Variants in MTMR1 observed in about 807,000 individuals in gnomAD.
MTMR1 encodes phosphatidylinositol-3-phosphate phosphatase MTMR1.
Under a neutral mutation model 51.6 loss-of-function variants are expected in MTMR1, and 17 were observed. That is an observed-to-expected ratio of 0.33 (90% confidence interval 0.23 to 0.49). The LOEUF (loss-of-function observed/expected upper bound fraction) is 0.49. MTMR1 is among the 20% of genes least tolerant of loss of function. The pLI is 0.99. For missense variants in MTMR1, 386 were observed against 526.9 expected, an observed-to-expected ratio of 0.73 and a Z score of 2.62; for synonymous variants, 201 against 205.6, an observed-to-expected ratio of 0.98 and a Z score of 0.19.
At chrX:150,718,841 C>A in intron 4 of MTMR1, 141 bp downstream of exon 4, 3 of 522,026 alleles carry the variant, frequency 5.7e-6, no homozygotes, top group Non-Finnish European at 9.0e-6. Flanking sequence ...TATTCATCCT[C>A]ATTAGTGTCA....
Position 150,737,333 on chromosome X carries a change from C to T in MTMR1, c.1358C>T (p.Thr453Ile). Residue 453 changes from threonine to isoleucine, a missense_variant, in exon 12 of 16, where the codon ACA (threonine) becomes ATA (isoleucine). Thr to Ile is a moderately conservative substitution (Grantham distance 89). Coordinates refer to ENST00000445323, the MANE Select transcript of MTMR1 (RefSeq NM_001306144.3). ...CATTGCAGCGACGGTTGGGACCGAA[C>T]AGCCCAGCTCACATCTCTGGCTATG... ...VVHCSDGWDR[T>I]AQLTSLAMLM... The T allele has an allele frequency of 8.3e-7, 1 of 1,210,993 alleles. No homozygotes were observed. Among genetic ancestry groups the T allele is most frequent in the Non-Finnish European group, 1.1e-6 (1 of 894,918 alleles).
At chrX:150,740,895 C>T (rs1293672611) in intron 12 of MTMR1, among the ~76,000 whole-genome samples, 1 of 109,756 alleles carries the variant, frequency 9.1e-6, no homozygotes, top group Middle Eastern at 4.2e-3. Flanking sequence ...CCAGCTGTCT[C>T]GGGAACTAAT....
rs781827380 is a variant in MTMR1 at position 150,731,458 on chromosome X, A to G, written c.742-12A>G. 8.6e-7 allele frequency: 1 copy of G among 1,168,900 alleles called. No individual in the cohort carries two copies. Among genetic ancestry groups the G allele is most frequent in the Non-Finnish European group, 1.1e-6 (1 of 871,263 alleles). Reference sequence around the variant, plus strand: ...CATTTCACCCTCTTCTTCTTTCTCCAACACCTTACAGGGCTTGCCAAATGA... The same window carrying G: ...CATTTCACCCTCTTCTTCTTTCTCCGACACCTTACAGGGCTTGCCAAATGA... On this transcript the variant is annotated splice_polypyrimidine_tract_variant and intron_variant, in intron 8 of 15. Coordinates refer to ENST00000445323, the MANE Select transcript of MTMR1 (RefSeq NM_001306144.3).
intron 12 of MTMR1, among the ~76,000 whole-genome samples, chrX:150,743,276 C>A (rs913577072): frequency 2.7e-5 from 3 of 110,691 alleles, no homozygotes; most frequent in Admixed American, 9.6e-5. Context: ...TGGCTCACAC[C>A]TATAGTCCCA....
At chrX:150,706,619 TA>T (rs1453494662) in intron 2 of MTMR1, among the ~76,000 whole-genome samples, 1 of 112,386 alleles carries the variant, frequency 8.9e-6, no homozygotes, top group African/African-American at 3.2e-5. Context: ...AAAGAAGATC[TA>T]AATTAATGGA....
In MTMR1 at chrX:150,737,224, T is replaced by G; in HGVS notation, c.1267-18T>G. ...AAATTCAATGTAGCCTGGTCTAATG[T>G]GCCTTTTTTTTCTGAAGATGCTGCT... On this transcript the variant is annotated intron_variant, in intron 11 of 15. Coordinates refer to ENST00000445323, the MANE Select transcript of MTMR1 (RefSeq NM_001306144.3). 2.5e-6 allele frequency: 3 copies of G among 1,194,348 alleles called. No homozygotes were observed. Among genetic ancestry groups the G allele is most frequent in the Non-Finnish European group, 3.4e-6 (3 of 879,729 alleles).
chrX:150,700,306 A>T (rs1285049477), intron 2 of MTMR1, among the ~76,000 whole-genome samples: 2 of 111,935 alleles, frequency 1.8e-5, no homozygotes, highest in African/African-American at 6.5e-5. Context: ...TAGAGCTCAT[A>T]GGGTAATAAC....
In MTMR1 at chrX:150,762,600, C is replaced by T. The variant is rs781823639; in HGVS notation, c.1893C>T (p.Ala631=). 21 of 1,210,486 alleles carry T rather than the reference C, an allele frequency of 1.7e-5. No homozygotes were observed. Among genetic ancestry groups the T allele is most frequent in the Admixed American group, 8.7e-5 (4 of 45,873 alleles). The change falls in exon 16 of 16, where the codon GCC becomes GCT. Residue 631 remains alanine (A), a synonymous_variant. Coordinates refer to ENST00000445323, the MANE Select transcript of MTMR1 (RefSeq NM_001306144.3). ...PIHQNLKELL[A]VRAELQKRVE... is the part of the protein sequence containing the mutation. ...ACCAGAATCTCAAGGAGCTGCTGGC[C>T]GTCAGGGCGGAGCTGCAGAAGCGTG...
intron 14 of MTMR1, chrX:150,751,255 C>T: frequency 1.3e-6 from 1 of 762,073 alleles, no homozygotes; most frequent in Non-Finnish European, 1.6e-6. Flanking sequence ...CAAGCTAACA[C>T]TTTTTTACAT....
intron 5 of MTMR1, 83 bp from the exon 6 acceptor site, chrX:150,727,601 A>G: frequency 1.3e-6 from 1 of 751,019 alleles, no homozygotes; most frequent in Non-Finnish European, 2.0e-6. Context: ...GTAAACAAAC[A>G]TGTTTTGTAA....
intron 4 of MTMR1, among the ~76,000 whole-genome samples, chrX:150,722,021 G>A (rs1200767408): frequency 8.9e-6 from 1 of 111,843 alleles, no homozygotes; most frequent in Admixed American, 9.5e-5. Flanking sequence ...ATTTAGGAGT[G>A]TGTCGTTTAA....
intron 12 of MTMR1, among the ~76,000 whole-genome samples, chrX:150,738,644 C>G (rs1557417239): frequency 9.0e-6 from 1 of 111,504 alleles, no homozygotes; most frequent in African/African-American, 3.3e-5. Context: ...TTGGGAGCTA[C>G]TGGACACCCC....
chrX:150,717,956 C>T (rs1422977428), intron 3 of MTMR1, among the ~76,000 whole-genome samples: 1 of 112,827 alleles, frequency 8.9e-6, no homozygotes, highest in Admixed American at 9.3e-5. Flanking sequence ...CTGTTGCCTG[C>T]CAGATGAGAG....
rs1196314343 is a variant in MTMR1 at position 150,751,091 on chromosome X, C to T, written c.1680+248C>T. ...CTCAGGAGTAGATGAGTGCTAGACC[C>T]TGGACCTCCTGACTCCGAGTTCATG... On this transcript the variant is annotated intron_variant, in intron 14 of 15. Coordinates refer to ENST00000445323, the MANE Select transcript of MTMR1 (RefSeq NM_001306144.3). The T allele has an allele frequency of 2.7e-6, 3 of 1,095,223 alleles. No individual in the cohort carries two copies. In the African/African-American group the frequency reaches 5.5e-5, roughly 20 times the overall value. 90.3% of individuals were successfully genotyped at this position (1,095,223 alleles called of 1,213,427 possible). A position where few individuals can be genotyped will look rare whatever the true frequency, so the allele number is the denominator to read the frequency against.
chrX:150,751,821 C>A (rs930402681), intron 14 of MTMR1, among the ~76,000 whole-genome samples: 2 of 110,362 alleles, frequency 1.8e-5, no homozygotes, highest in African/African-American at 6.6e-5. Context: ...GAGCCACCTT[C>A]CACTCCTCCC....
chrX:150,705,680 C>G (rs2041072944), intron 2 of MTMR1, among the ~76,000 whole-genome samples: 1 of 111,538 alleles, frequency 9.0e-6, no homozygotes, highest in African/African-American at 3.3e-5. Context: ...TTGTCACTAG[C>G]ATACCTATCC....
chrX:150,736,339 G>A (rs1437283499), intron 10 of MTMR1: 2 of 312,027 alleles, frequency 6.4e-6, no homozygotes, highest in Non-Finnish European at 1.1e-5. Flanking sequence ...TAGAGTGTTC[G>A]GAGGAAGCAT....
rs1557417581 is a variant in MTMR1, at chrX:150,751,016, C to T, written c.1680+173C>T. On this transcript the variant is annotated intron_variant, in intron 14 of 15. Transcript: ENST00000445323. ...CCCACCGCATGTGTCTAACACAAGC[C>T]CCTTCCTTTCTAGGCATGGGGGGCT... The T allele has an allele frequency of 2.6e-6, 3 of 1,155,849 alleles. No individual in the cohort carries two copies. The Admixed American group carries it at 7.2e-5, about 28-fold the overall frequency.
chrX:150,742,833 A>G (rs1441291868), intron 12 of MTMR1, among the ~76,000 whole-genome samples: 3 of 106,452 alleles, frequency 2.8e-5, no homozygotes, highest in Non-Finnish European at 5.8e-5. Context: ...AAAAAAAAAA[A>G]AAAAGAAAGA....
Sources: gnomAD v4.1 joint callset for allele counts (sites outside exome capture counted in the v4.1 genomes callset) on GRCh38, gnomAD v4.1.1 for gene constraint, MANE v1.5 for transcripts, NCBI Gene and HGNC (gene_info 2026-07-23, HGNC 2026-07-21) for gene names.